C3orf62: variants seen among roughly 807,000 people sequenced by gnomAD.
C3orf62 encodes chromosome 3 open reading frame 62.
In C3orf62, 16 loss-of-function variants were observed where a neutral mutation model predicts 21.7. The ratio of observed to expected loss-of-function variants is 0.74; its 90% CI spans 0.50 to 1.12. C3orf62 has a LOEUF of 1.12. Ranked by LOEUF, C3orf62 falls within the 50% of genes most tolerant of loss-of-function variation. C3orf62 has a pLI of 0.00. For missense variants in C3orf62, 310 were observed against 318.8 expected, an observed-to-expected ratio of 0.97 and a Z score of 0.21; for synonymous variants, 114 against 117.0, an observed-to-expected ratio of 0.97 and a Z score of 0.17.
rs926759847 is a variant in C3orf62 at position 49,270,881 on chromosome 3, C to T, written c.*299G>A. The T allele has an allele frequency of 4.5e-5, 14 of 311,620 alleles. No homozygotes were observed. Among genetic ancestry groups the T allele is most frequent in the Non-Finnish European group, 7.7e-5 (13 of 168,756 alleles). 19.3% of individuals were successfully genotyped at this position (311,620 alleles called of 1,614,324 possible). On this transcript the variant is annotated 3_prime_UTR_variant, in exon 3 of 3. Coordinates refer to ENST00000343010, the MANE Select transcript of C3orf62 (RefSeq NM_198562.3). The stretch of plus-strand genomic sequence containing the variant: ...AACACTAAGAGACACAGCAGAGGCC[C>T]ATGACCCACACCTACCATGGGTACT...
Position 49,275,009 on chromosome 3 carries a change from G to A in C3orf62, c.447-869C>T, listed in dbSNP as rs145533000. Among the ~76,000 whole-genome samples, 880 of 151,592 alleles carry A rather than the reference G, an allele frequency of 5.8e-3. 11 individuals carry two copies. Among genetic ancestry groups the A allele is most frequent in the African/African-American group, 0.02 (837 of 41,318 alleles). Reference sequence around the variant, plus strand: ...TAATTTTTCTATTTTTAGTAGAGACGGGGTTTCACCATGTTGGCCAGGCTG... The same window carrying A: ...TAATTTTTCTATTTTTAGTAGAGACAGGGTTTCACCATGTTGGCCAGGCTG... On this transcript the variant is annotated intron_variant, in intron 1 of 2. Coordinates refer to ENST00000343010, the MANE Select transcript of C3orf62 (RefSeq NM_198562.3).
At position 49,271,318 on chromosome 3, in the gene C3orf62, G is replaced by A. The variant is rs1559458770; in HGVS notation, c.666C>T (p.Asp222=). ...CATCTGTGGCCTTCTGAGGGCTCTTGTCCATGAGCAGGGCCCAGGCTTCCT... is the reference window on the plus strand; with the variant it reads ...CATCTGTGGCCTTCTGAGGGCTCTTATCCATGAGCAGGGCCCAGGCTTCCT... ...FKEEAWALLM[D]KSPQKATDAD... Residue 222 remains aspartate (D), a synonymous_variant, in exon 3 of 3, where the codon GAC becomes GAT. Coordinates refer to ENST00000343010, the MANE Select transcript of C3orf62 (RefSeq NM_198562.3). 3.7e-6 allele frequency: 6 copies of A among 1,614,082 alleles called. No individual in the cohort carries two copies. Among genetic ancestry groups the A allele is most frequent in the Admixed American group, 3.3e-5 (2 of 60,006 alleles).
In C3orf62 at chr3:49,269,662, C is replaced by T. The variant is rs1246241711; in HGVS notation, c.*1518G>A. 1 of 152,268 alleles carries T rather than the reference C, an allele frequency of 6.6e-6. No homozygotes were observed. Among genetic ancestry groups the T allele is most frequent in the Non-Finnish European group, 1.5e-5 (1 of 68,070 alleles). 9.4% of individuals were successfully genotyped at this position (152,268 alleles called of 1,614,324 possible). A position where few individuals can be genotyped will look rare whatever the true frequency, so the allele number is the denominator to read the frequency against. ...GGCCTGGAAGGAGCCTGTAGTTAGC[C>T]TTAACCTCAACTCCTGCCCCAGGCA... On this transcript the variant is annotated 3_prime_UTR_variant, in exon 3 of 3. Transcript: ENST00000343010.
intron 2 of C3orf62, among the ~76,000 whole-genome samples, 178 bp from the exon 3 acceptor site, chr3:49,271,623 T>G (rs2046912256): frequency 6.6e-6 from 1 of 152,128 alleles, no homozygotes; most frequent in Admixed American, 6.6e-5. Context: ...TTTGGTACCT[T>G]CCTTTCAGGC....
chr3:49,270,647 AAAG>A lies in C3orf62; in HGVS notation c.*530_*532del, dbSNP rs1362763029. 2 of 152,910 alleles carry A rather than the reference AAAG, an allele frequency of 1.3e-5. No homozygotes were observed. Among genetic ancestry groups the A allele is most frequent in the African/African-American group, 4.8e-5 (2 of 41,440 alleles). 9.5% of individuals were successfully genotyped at this position (152,910 alleles called of 1,614,324 possible). A position where few individuals can be genotyped will look rare whatever the true frequency, so the allele number is the denominator to read the frequency against. On this transcript the variant is annotated 3_prime_UTR_variant, in exon 3 of 3. Transcript: ENST00000343010. The stretch of plus-strand genomic sequence containing the variant: ...AAGCAATTCTCCTACCTCAGCCTCC[AAAG>A]TAGCTGGGACTACAGGTGCACACCA...
chr3:49,272,584 AC>A (rs1454137187), intron 2 of C3orf62, among the ~76,000 whole-genome samples: 2 of 104,632 alleles, frequency 1.9e-5, no homozygotes, highest in African/African-American at 7.5e-5. Context: ...TCATTCTGTC[AC>A]CCAGGCTGGA....
At chr3:49,275,999 C>T (rs58594215) in intron 1 of C3orf62, among the ~76,000 whole-genome samples, 2 of 151,940 alleles carry the variant, frequency 1.3e-5, no homozygotes, top group African/African-American at 4.8e-5. Flanking sequence ...GAAGTAGGGC[C>T]CAGCCTTCAA....
At chr3:49,272,426 GA>G (rs1343369662) in intron 2 of C3orf62, among the ~76,000 whole-genome samples, 1 of 146,312 alleles carries the variant, frequency 6.8e-6, no homozygotes, top group Admixed American at 7.0e-5. Flanking sequence ...TTTGTATGTA[GA>G]AAAAAAGTCT....
intron 2 of C3orf62, among the ~76,000 whole-genome samples, chr3:49,273,773 G>T (rs1316615745): frequency 6.6e-6 from 1 of 151,442 alleles, no homozygotes; most frequent in Non-Finnish European, 1.5e-5. Flanking sequence ...CTCCTGCCTC[G>T]GCCTCCCGAG....
Position 49,271,387 on chromosome 3 carries a change from T to C in C3orf62, c.597A>G (p.Glu199=), listed in dbSNP as rs370398186. 5 of 1,614,108 alleles carry C rather than the reference T, an allele frequency of 3.1e-6. No individual in the cohort carries two copies. The highest frequency in any genetic ancestry group is 4.2e-6 in the Non-Finnish European group (5 of 1,180,024). The stretch of plus-strand genomic sequence containing the variant: ...GGCAATGACCACACATGTGGTTCAA[T>C]TCGTTTTCAAATTCTATTTTTCCAG... ...ELAGKIEFEN[E]LNHMCGHCQD... The change falls in exon 3 of 3, where the codon GAA becomes GAG. Residue 199 remains glutamate, a synonymous_variant. Coordinates refer to ENST00000343010, the MANE Select transcript of C3orf62 (RefSeq NM_198562.3).
Position 49,277,085 on chromosome 3 carries a change from G to GCCCGCCCCGCCGCTGCCT in C3orf62, c.-231_-214dup, listed in dbSNP as rs919800739. 1.3e-6 allele frequency: 2 copies of GCCCGCCCCGCCGCTGCCT among 1,487,242 alleles called. No homozygotes were observed. Among genetic ancestry groups the GCCCGCCCCGCCGCTGCCT allele is most frequent in the African/African-American group, 1.4e-5 (1 of 72,118 alleles). The allele number at this position is 1,487,242 out of a possible 1,614,324, so 92.1% of individuals were successfully genotyped here. On this transcript the variant is annotated 5_prime_UTR_variant, in exon 1 of 3. Transcript: ENST00000343010. ...CCGCCCCACTTCCCACAGCTTCCTGGCCCGCCCCGCCGCTGCCTCCCGCCC... is the reference window on the plus strand; with the variant it reads ...CCGCCCCACTTCCCACAGCTTCCTGGCCCGCCCCGCCGCTGCCTCCCGCCCCGCCGCTGCCTCCCGCCC...
intron 2 of C3orf62, among the ~76,000 whole-genome samples, chr3:49,272,475 G>C (rs542535952): frequency 6.8e-6 from 1 of 147,648 alleles, no homozygotes; most frequent in East Asian, 2.0e-4. Flanking sequence ...TATTAACAGT[G>C]GTTATCTCTG....
chr3:49,275,401 T>A (rs1453842261), intron 1 of C3orf62, among the ~76,000 whole-genome samples: 1 of 151,418 alleles, frequency 6.6e-6, no homozygotes, highest in Non-Finnish European at 1.5e-5. Flanking sequence ...GCACTGCTTA[T>A]GAGTACCAAT....
rs888712612 is a variant in C3orf62 at position 49,271,300 on chromosome 3, G to A, written c.684C>T (p.Ala228=). The A allele has an allele frequency of 9.9e-6, 16 of 1,614,210 alleles. No homozygotes were observed. Among genetic ancestry groups the A allele is most frequent in the Non-Finnish European group, 1.4e-5 (16 of 1,180,044 alleles). ...TGAGGCTGCCAGGGTCAGCATCTGT[G>A]GCCTTCTGAGGGCTCTTGTCCATGA... ...ALLMDKSPQK[A]TDADPGSLKQ... The change falls in exon 3 of 3, where the codon GCC becomes GCT. Residue 228 remains alanine (A), a synonymous_variant. Transcript: ENST00000343010.
chr3:49,275,519 G>GTTTTTT (rs59375945), intron 1 of C3orf62, among the ~76,000 whole-genome samples: 1,605 of 69,278 alleles, frequency 0.023, 438 homozygotes, highest in African/African-American at 0.029. Context: ...GAACTTTGAA[G>GTTTTTT]TTTTTTTTTT....
intron 1 of C3orf62, 115 bp from the exon 2 acceptor site, chr3:49,274,255 C>T: frequency 1.3e-6 from 1 of 743,266 alleles, no homozygotes. Context: ...TACTGGTGAC[C>T]TTGTCATTTA....
At chr3:49,272,944 C>T (rs1392176459) in intron 2 of C3orf62, among the ~76,000 whole-genome samples, 1 of 152,096 alleles carries the variant, frequency 6.6e-6, no homozygotes, top group Admixed American at 6.6e-5. Context: ...GCTCAATCAC[C>T]ATGTCCTAGT....
intron 1 of C3orf62, among the ~76,000 whole-genome samples, chr3:49,275,525 T>TTTTG (rs2046948693): frequency 2.2e-5 from 2 of 88,954 alleles, no homozygotes; most frequent in African/African-American, 8.7e-5. Context: ...TGAAGTTTTT[T>TTTTG]TTTTTTTTTT....
At chr3:49,272,532 A>ATTTTT (rs1186511009) in intron 2 of C3orf62, among the ~76,000 whole-genome samples, 1 of 69,126 alleles carries the variant, frequency 1.4e-5, no homozygotes, top group Non-Finnish European at 2.8e-5. Flanking sequence ...TTTTCTCCTA[A>ATTTTT]TCTTTTTTTT....
Sources: gnomAD v4.1 joint callset for allele counts (sites outside exome capture counted in the v4.1 genomes callset) on GRCh38, gnomAD v4.1.1 for gene constraint, MANE v1.5 for transcripts, NCBI Gene and HGNC (gene_info 2026-07-23, HGNC 2026-07-21) for gene names.